Variants in ZNF507 observed in about 807,000 individuals in gnomAD.
ZNF507 encodes the protein zinc finger protein 507.
Under a neutral mutation model 80.0 loss-of-function variants are expected in ZNF507, and 29 were observed. The ratio of observed to expected loss-of-function variants is 0.36; its 90% confidence interval spans 0.27 to 0.49. The LOEUF is 0.49. ZNF507 is among the 20% of genes least tolerant of loss of function. ZNF507 has a pLI of 0.98. For synonymous variants in ZNF507, 462 were observed against 422.5 expected (o/e 1.09, Z -1.15); for missense variants, 1,081 against 1,152.2 (o/e 0.94, Z 0.90).
intron 5 of ZNF507, among the ~76,000 whole-genome samples, chr19:32,380,887 C>T (rs1967614351): frequency 6.6e-6 from 1 of 152,106 alleles, no homozygotes; most frequent in Non-Finnish European, 1.5e-5. Context: ...TATGGTCATG[C>T]CACTGTACTC....
At chr19:32,377,042 T>G (rs1306319478) in intron 5 of ZNF507, among the ~76,000 whole-genome samples, 2 of 152,148 alleles carry the variant, frequency 1.3e-5, no homozygotes, top group African/African-American at 4.8e-5. Flanking sequence ...GAAAGCAGAC[T>G]AGGAGCGTGG....
At chr19:32,379,438 A>G (rs1246048429) in intron 5 of ZNF507, among the ~76,000 whole-genome samples, 2 of 152,216 alleles carry the variant, frequency 1.3e-5, no homozygotes, top group Admixed American at 6.5e-5. Context: ...TTTTTTAAAT[A>G]TTTAATGAAA....
intron 2 of ZNF507, among the ~76,000 whole-genome samples, chr19:32,349,268 CAG>C (rs1568301232): frequency 1.3e-5 from 2 of 152,134 alleles, no homozygotes; most frequent in Non-Finnish European, 2.9e-5. Flanking sequence ...AGGCAGAGGA[CAG>C]GGGAGCCTAG....
intron 5 of ZNF507, among the ~76,000 whole-genome samples, chr19:32,372,132 T>C (rs1967482711): frequency 6.6e-6 from 1 of 152,214 alleles, no homozygotes; most frequent in African/African-American, 2.4e-5. Flanking sequence ...TATACCCCAT[T>C]GAAAATGCAT....
At chr19:32,369,380 C>G (rs1313582445) in intron 5 of ZNF507, among the ~76,000 whole-genome samples, 1 of 152,166 alleles carries the variant, frequency 6.6e-6, no homozygotes, top group Non-Finnish European at 1.5e-5. Flanking sequence ...CCAAATGGCT[C>G]TGTCATCAGG....
intron 5 of ZNF507, among the ~76,000 whole-genome samples, chr19:32,370,119 C>T (rs1455388418): frequency 6.6e-6 from 1 of 152,202 alleles, no homozygotes; most frequent in Admixed American, 6.5e-5. Flanking sequence ...TGTGCGCACG[C>T]GCGTGCACGT....
intron 5 of ZNF507, among the ~76,000 whole-genome samples, chr19:32,363,193 G>A (rs1967353443): frequency 6.6e-6 from 1 of 152,048 alleles, no homozygotes; most frequent in African/African-American, 2.4e-5. Flanking sequence ...TCAGAGTTTG[G>A]GCTTGGTTTC....
intron 4 of ZNF507, chr19:32,357,137 C>G (rs750530380): frequency 2.5e-5 from 4 of 157,602 alleles, no homozygotes; most frequent in Non-Finnish European, 4.2e-5. Flanking sequence ...AACTGGGGCT[C>G]CCCGCTGTGA....
intron 5 of ZNF507, among the ~76,000 whole-genome samples, chr19:32,375,196 TG>T (rs1215679870): frequency 6.6e-6 from 1 of 152,208 alleles, no homozygotes; most frequent in Non-Finnish European, 1.5e-5. Context: ...CATTTGCCGA[TG>T]TCTGGAGACA....
At chr19:32,352,768 A>G in intron 2 of ZNF507, 61 bp from the exon 3 acceptor site, 1 of 1,446,836 alleles carries the variant, frequency 6.9e-7, no homozygotes. Flanking sequence ...TATTTTCCAA[A>G]TTACATGCCT....
At chr19:32,374,220 GCTT>G (rs1312777192) in intron 5 of ZNF507, among the ~76,000 whole-genome samples, 1 of 147,810 alleles carries the variant, frequency 6.8e-6, no homozygotes, top group Non-Finnish European at 1.5e-5. Flanking sequence ...TCATTGTTAG[GCTT>G]CTTCTTGTGT....
In ZNF507 at chr19:32,354,431, A is replaced by C; in HGVS notation, c.1601A>C (p.Asp534Ala). The C allele has an allele frequency of 6.2e-7, 1 of 1,614,194 alleles. No homozygotes were observed. Among genetic ancestry groups the C allele is most frequent in the Non-Finnish European group, 8.5e-7 (1 of 1,180,046 alleles). Residue 534 changes from aspartate (D) to alanine (A), a missense_variant, in exon 3 of 7, where the codon GAT becomes GCT. Physicochemically the swap from Asp to Ala is moderately radical, Grantham distance 126 (BLOSUM62 -2). Around this residue, in one of 6 missense-constraint regions of ZNF507, gnomAD observed 614 missense variants for 583.9 expected, o/e 1.05. Transcript: ENST00000355898. ...LDPDTSQRQV[D>A]STLAAYSKMM... ...CCAGATACTAGTCAAAGGCAAGTAG[A>C]TAGTACATTGGCAGCGTACTCAAAA...
chr19:32,355,390 A>G (rs904908063), intron 3 of ZNF507, among the ~76,000 whole-genome samples: 1 of 152,226 alleles, frequency 6.6e-6, no homozygotes, highest in Non-Finnish European at 1.5e-5. Context: ...TTCAGCTTCT[A>G]CATAACCAAC....
chr19:32,367,968 G>C (rs1441088687), intron 5 of ZNF507, among the ~76,000 whole-genome samples: 1 of 152,190 alleles, frequency 6.6e-6, no homozygotes, highest in African/African-American at 2.4e-5. Context: ...CAGCAGCCCA[G>C]TACTTAGGAA....
rs938890622 is a variant in ZNF507, at chr19:32,383,240, A to G, written c.*157A>G. The G allele has an allele frequency of 1.1e-6, 1 of 939,144 alleles. No individual in the cohort carries two copies. The highest frequency in any genetic ancestry group is 2.9e-5 in the Admixed American group (1 of 34,904). 58.2% of individuals were successfully genotyped at this position (939,144 alleles called of 1,614,324 possible). On this transcript the variant is annotated 3_prime_UTR_variant, in exon 7 of 7. Coordinates refer to ENST00000355898, the MANE Select transcript of ZNF507 (RefSeq NM_001136156.2). Reference sequence around the variant, plus strand: ...ACTTTGGAACCAAACTTGTAATAAAAGGAATTCCAAATGGACAAGCAGTAA... The same window carrying G: ...ACTTTGGAACCAAACTTGTAATAAAGGGAATTCCAAATGGACAAGCAGTAA...
At chr19:32,349,094 G>C (rs1019526070) in intron 2 of ZNF507, among the ~76,000 whole-genome samples, 8 of 152,166 alleles carry the variant, frequency 5.3e-5, no homozygotes, top group African/African-American at 1.4e-4. Context: ...TCAGAAGAAG[G>C]GTCTTGGAGA....
At chr19:32,376,851 A>C (rs947793973) in intron 5 of ZNF507, among the ~76,000 whole-genome samples, 1 of 152,160 alleles carries the variant, frequency 6.6e-6, no homozygotes, top group Non-Finnish European at 1.5e-5. Flanking sequence ...GTAAGGTCAC[A>C]TGGGTCACGT....
intron 5 of ZNF507, among the ~76,000 whole-genome samples, chr19:32,373,055 A>T (rs1056960283): frequency 6.6e-6 from 1 of 152,218 alleles, no homozygotes; most frequent in African/African-American, 2.4e-5. Flanking sequence ...TTTTTGCAGC[A>T]TCCTGACATG....
rs1568303153 is a variant in ZNF507, at chr19:32,354,081, C to T, written c.1251C>T (p.Asn417=). 9.3e-6 allele frequency: 15 copies of T among 1,613,846 alleles called. No individual in the cohort carries two copies. The highest frequency in any genetic ancestry group is 1.2e-5 in the Non-Finnish European group (14 of 1,180,024). ...TTTCACAGAAGCGCTTCCTCATGAA[C>T]ACTGAAATGGAAGAAGGGAAGGACC... ...ETLSQKRFLM[N]TEMEEGKDLS... The change falls in exon 3 of 7, where the codon AAC becomes AAT. Residue 417 remains asparagine, a synonymous_variant. Transcript: ENST00000355898.
Sources: gnomAD v4.1 joint callset for allele counts (sites outside exome capture counted in the v4.1 genomes callset) on GRCh38, gnomAD v4.1.1 for gene constraint, gnomAD v4.1.1 regional missense constraint, MANE v1.5 for transcripts, NCBI Gene and HGNC (gene_info 2026-07-23, HGNC 2026-07-21) for gene names.